TTBK2: variants seen among roughly 807,000 people sequenced by gnomAD.
TTBK2 encodes the protein tau tubulin kinase 2, also known as tau-tubulin kinase 2.
A neutral mutation model predicts 110.8 loss-of-function variants in TTBK2; 28 were observed. The observed-to-expected ratio is 0.25, with a 90% CI of 0.19 to 0.35. The LOEUF (loss-of-function observed/expected upper bound fraction) is 0.35, where lower values mean the gene tolerates loss of function less well. Among genes scored for constraint, TTBK2 ranks in the 10% least tolerant of loss-of-function variants. The pLI, the probability that TTBK2 is intolerant of heterozygous loss-of-function variation, is 1.00. For synonymous variants in TTBK2, 532 were observed against 527.3 expected, an observed-to-expected ratio of 1.01 and a Z score of -0.12; for missense variants, 1,369 against 1,500.3, an observed-to-expected ratio of 0.91 and a Z score of 1.45.
intron 10 of TTBK2, among the ~76,000 whole-genome samples, chr15:42,789,854 T>TACATACACACAC: frequency 6.8e-6 from 1 of 147,916 alleles, no homozygotes; most frequent in East Asian, 2.0e-4. Context: ...ATACATACAA[T>TACATACACACAC]ACACACACAC....
rs1892064192 is a variant in TTBK2, at chr15:42,817,028, C to T, written c.603+4G>A. ...ACAGATATGACTCTAGTTCAGATAC[C>T]TACCCTGTTCCGATGTGCGTTGATT... On this transcript the variant is annotated splice_donor_region_variant and intron_variant, in intron 7 of 14. Coordinates refer to ENST00000267890, the MANE Select transcript of TTBK2 (RefSeq NM_173500.4). 6.3e-7 allele frequency: 1 copy of T among 1,598,448 alleles called. No individual in the cohort carries two copies. The highest frequency in any genetic ancestry group is 1.3e-5 in the African/African-American group (1 of 74,334).
At chr15:42,763,157 C>CATATATATATATATATAT (rs1567008803) in intron 13 of TTBK2, among the ~76,000 whole-genome samples, 2 of 20,470 alleles carry the variant, frequency 9.8e-5, no homozygotes, top group Non-Finnish European at 1.6e-4. Flanking sequence ...TATATATATA[C>CATATATATATATATATAT]ATATATATAT....
chr15:42,794,263 T>C (rs1890835841), intron 10 of TTBK2, among the ~76,000 whole-genome samples: 1 of 152,202 alleles, frequency 6.6e-6, no homozygotes. Context: ...AAGAGGAACA[T>C]GTTACATGCT....
intron 1 of TTBK2, among the ~76,000 whole-genome samples, chr15:42,912,074 G>A (rs1368954983): frequency 2.0e-5 from 3 of 152,152 alleles, no homozygotes; most frequent in Non-Finnish European, 4.4e-5. Context: ...GCGGCCCATG[G>A]GCCGCTGGTT....
chr15:42,910,654 GTTA>G (rs777552942), intron 1 of TTBK2, among the ~76,000 whole-genome samples: 5 of 152,170 alleles, frequency 3.3e-5, no homozygotes, highest in Non-Finnish European at 7.3e-5. Flanking sequence ...GAGAAGAAAA[GTTA>G]TTATTTCAAA....
intron 10 of TTBK2, among the ~76,000 whole-genome samples, chr15:42,785,120 T>G (rs1890352396): frequency 2.0e-5 from 1 of 49,322 alleles, no homozygotes; most frequent in Admixed American, 2.9e-4. Flanking sequence ...TGCAGATTTT[T>G]TTTTTTTTTT....
chr15:42,851,954 G>T (rs1893734233), intron 3 of TTBK2, among the ~76,000 whole-genome samples: 1 of 152,032 alleles, frequency 6.6e-6, no homozygotes, highest in African/African-American at 2.4e-5. Flanking sequence ...AGTTATATAT[G>T]AATGATACTA....
At chr15:42,772,740 A>T (rs1001075715) in intron 13 of TTBK2, among the ~76,000 whole-genome samples, 1 of 152,174 alleles carries the variant, frequency 6.6e-6, no homozygotes, top group Admixed American at 6.5e-5. Flanking sequence ...GGACCCCAGC[A>T]GTTTGAGCCC....
At chr15:42,829,900 C>T in intron 5 of TTBK2, 38 bp downstream of exon 5, 1 of 1,613,042 alleles carries the variant, frequency 6.2e-7, no homozygotes, top group Non-Finnish European at 8.5e-7. Flanking sequence ...TTAAAAGTAT[C>T]AAACTCATTC....
intron 1 of TTBK2, among the ~76,000 whole-genome samples, chr15:42,918,177 C>G (rs1222166491): frequency 3.3e-5 from 5 of 152,024 alleles, no homozygotes; most frequent in Non-Finnish European, 7.4e-5. Flanking sequence ...CGATCCACCC[C>G]CTCAGTCTCC....
intron 3 of TTBK2, among the ~76,000 whole-genome samples, chr15:42,862,645 T>C (rs1429873628): frequency 1.3e-5 from 2 of 152,086 alleles, no homozygotes; most frequent in African/African-American, 2.4e-5. Context: ...TCCCAGCACT[T>C]TGGGAGGCGG....
chr15:42,833,157 TTATC>T (rs948018815), intron 4 of TTBK2, among the ~76,000 whole-genome samples: 3 of 150,974 alleles, frequency 2.0e-5, no homozygotes, highest in Admixed American at 2.0e-4. Context: ...TGACACATGT[TTATC>T]TATGTAACAA....
At chr15:42,807,830 T>C (rs1004731449) in intron 9 of TTBK2, among the ~76,000 whole-genome samples, 1 of 152,216 alleles carries the variant, frequency 6.6e-6, no homozygotes, top group African/African-American at 2.4e-5. Context: ...ATAATTCTGA[T>C]ATCTTCACAT....
At chr15:42,876,979 T>C (rs143340357) in intron 2 of TTBK2, among the ~76,000 whole-genome samples, 154 of 152,242 alleles carry the variant, frequency 1.0e-3, no homozygotes, top group African/African-American at 3.6e-3. Flanking sequence ...AAAAAACAAA[T>C]CTAATTGATC....
At chr15:42,790,261 T>C (rs2139655) in intron 10 of TTBK2, among the ~76,000 whole-genome samples, 108,262 of 151,342 alleles carry the variant, frequency 0.72, 39,856 homozygotes, top group Middle Eastern at 0.85. Context: ...GCTATATTTC[T>C]TCCTCTACAA....
intron 11 of TTBK2, among the ~76,000 whole-genome samples, chr15:42,781,968 T>C (rs1595903549): frequency 6.6e-6 from 1 of 151,200 alleles, no homozygotes; most frequent in African/African-American, 2.4e-5. Context: ...ATATATAGTA[T>C]AAGTAGATTT....
chr15:42,792,162 G>C (rs1211952314), intron 10 of TTBK2, among the ~76,000 whole-genome samples: 1 of 152,136 alleles, frequency 6.6e-6, no homozygotes, highest in African/African-American at 2.4e-5. Context: ...AAAAATACTA[G>C]TGTATATTTC....
At chr15:42,812,145 G>A (rs1335126442) in intron 7 of TTBK2, among the ~76,000 whole-genome samples, 1 of 152,078 alleles carries the variant, frequency 6.6e-6, no homozygotes, top group Non-Finnish European at 1.5e-5. Flanking sequence ...TGGCTGCTGT[G>A]GGGGCATCTG....
At chr15:42,919,649 T>C (rs755224719) in intron 1 of TTBK2, 23 of 242,146 alleles carry the variant, frequency 9.5e-5, no homozygotes, top group African/African-American at 1.2e-4. Context: ...CTCTTTAATG[T>C]TCAAAGAAAG....
Sources: gnomAD v4.1 joint callset for allele counts (sites outside exome capture counted in the v4.1 genomes callset) on GRCh38, gnomAD v4.1.1 for gene constraint, MANE v1.5 for transcripts, NCBI Gene and HGNC (gene_info 2026-07-23, HGNC 2026-07-21) for gene names.